Variants in SARNP observed in about 807,000 individuals in gnomAD.
SARNP encodes the protein SAP domain-containing ribonucleoprotein.
In SARNP, 5 loss-of-function variants were observed where a neutral mutation model predicts 38.1. The observed-to-expected ratio is 0.13, with a 90% CI of 0.07 to 0.28. SARNP has a LOEUF of 0.28. Among genes scored for constraint, SARNP ranks in the 10% least tolerant of loss-of-function variants. The pLI is 1.00. For synonymous variants in SARNP, 84 were observed against 80.6 expected, an observed-to-expected ratio of 1.04 and a Z score of -0.23; for missense variants, 180 against 243.9, an observed-to-expected ratio of 0.74 and a Z score of 1.75.
chr12:55,757,565 A>C lies in SARNP; in HGVS notation c.592-12T>G, dbSNP rs550109576. 1.6e-4 allele frequency: 252 copies of C among 1,600,864 alleles called. No individual in the cohort carries two copies. The highest frequency in any genetic ancestry group is 3.0e-4 in the African/African-American group (22 of 74,246). ...TTCCTCTTCTTTGCCTGTAAAGAAG[A>C]AGCAAGAAGAAAAAAATTAGACTGA... On this transcript the variant is annotated splice_polypyrimidine_tract_variant and intron_variant, in intron 10 of 10. Transcript: ENST00000336133.
intron 9 of SARNP, among the ~76,000 whole-genome samples, chr12:55,764,552 T>G (rs1272624945): frequency 8.0e-6 from 1 of 124,794 alleles, no homozygotes; most frequent in Non-Finnish European, 1.7e-5. Context: ...AAAAAAAGAA[T>G]AAGGCTGGGC....
intron 9 of SARNP, among the ~76,000 whole-genome samples, chr12:55,772,827 G>A (rs1180682964): frequency 6.7e-6 from 1 of 149,706 alleles, no homozygotes; most frequent in Non-Finnish European, 1.5e-5. Flanking sequence ...TGATTCTCCT[G>A]CCTCAGCCTC....
chr12:55,765,774 T>C (rs923225670), intron 9 of SARNP, among the ~76,000 whole-genome samples: 4 of 151,982 alleles, frequency 2.6e-5, no homozygotes, highest in Middle Eastern at 6.8e-3. Context: ...CCTCCACAAA[T>C]AGCCTGCTCT....
chr12:55,774,596 A>G (rs1237203052), intron 9 of SARNP, among the ~76,000 whole-genome samples: 1 of 149,750 alleles, frequency 6.7e-6, no homozygotes, highest in African/African-American at 2.5e-5. Context: ...AAAAAAACAA[A>G]AATTAGCCAG....
intron 9 of SARNP, among the ~76,000 whole-genome samples, chr12:55,767,985 C>T (rs1878893732): frequency 6.6e-6 from 1 of 151,956 alleles, no homozygotes; most frequent in African/African-American, 2.4e-5. Context: ...TTCCCTTTAG[C>T]TTCAAGGAAA....
intron 9 of SARNP, among the ~76,000 whole-genome samples, chr12:55,771,548 G>A (rs1409524277): frequency 6.6e-6 from 1 of 152,160 alleles, no homozygotes; most frequent in Non-Finnish European, 1.5e-5. Flanking sequence ...AAAGAGTCCA[G>A]TCAGAAAAAT....
chr12:55,794,956 TTAA>T, intron 5 of SARNP, 76 bp from the exon 6 acceptor site: 9 of 344,654 alleles, frequency 2.6e-5, no homozygotes, highest in South Asian at 1.3e-4. Context: ...GTAGGTATCT[TTAA>T]AAAAAAAAAA....
At chr12:55,777,122 T>C (rs1002392741) in intron 9 of SARNP, among the ~76,000 whole-genome samples, 1 of 152,164 alleles carries the variant, frequency 6.6e-6, no homozygotes, top group Non-Finnish European at 1.5e-5. Context: ...AGTTTTTTCT[T>C]ACTACAAATT....
chr12:55,774,740 T>C (rs1421136483), intron 9 of SARNP, among the ~76,000 whole-genome samples: 1 of 151,560 alleles, frequency 6.6e-6, no homozygotes, highest in Non-Finnish European at 1.5e-5. Flanking sequence ...TCAAAATAAA[T>C]AAATAAAATA....
At chr12:55,772,712 CTTTTTT>C (rs11428581) in intron 9 of SARNP, among the ~76,000 whole-genome samples, 2 of 130,302 alleles carry the variant, frequency 1.5e-5, no homozygotes, top group Admixed American at 8.0e-5. Context: ...GAAGCTGAAA[CTTTTTT>C]TTTTTTTTTT....
At chr12:55,789,682 G>A (rs1229737387) in intron 8 of SARNP, among the ~76,000 whole-genome samples, 9 of 152,046 alleles carry the variant, frequency 5.9e-5, no homozygotes, top group African/African-American at 9.7e-5. Context: ...GGTGGCTCAC[G>A]CCTGTAATCC....
chr12:55,770,153 G>T (rs1878962170), intron 9 of SARNP, among the ~76,000 whole-genome samples: 1 of 151,978 alleles, frequency 6.6e-6, no homozygotes, highest in Non-Finnish European at 1.5e-5. Context: ...TAAACATAAT[G>T]GAATTTATTT....
intron 9 of SARNP, among the ~76,000 whole-genome samples, chr12:55,786,526 C>T (rs1348366657): frequency 6.6e-6 from 1 of 152,050 alleles, no homozygotes; most frequent in African/African-American, 2.4e-5. Flanking sequence ...CTCGGCTCAC[C>T]GCAGCCTCCG....
chr12:55,756,679 G>GTT (rs1224546536), downstream of SARNP: 1 of 152,192 alleles, frequency 6.6e-6, no homozygotes, highest in African/African-American at 2.4e-5. Flanking sequence ...TGAACTTGAA[G>GTT]CCTCCAGTTC....
chr12:55,770,399 T>G (rs1050202447), intron 9 of SARNP, among the ~76,000 whole-genome samples: 11 of 150,676 alleles, frequency 7.3e-5, no homozygotes, highest in African/African-American at 2.2e-4. Flanking sequence ...GCTAGGTTTT[T>G]TTTTTTTTTT....
At chr12:55,765,587 C>A (rs1401836249) in intron 9 of SARNP, among the ~76,000 whole-genome samples, 1 of 151,686 alleles carries the variant, frequency 6.6e-6, no homozygotes, top group African/African-American at 2.4e-5. Flanking sequence ...TCAAGCAATC[C>A]TTTCACCTCG....
At chr12:55,778,567 T>C (rs766449536) in intron 9 of SARNP, among the ~76,000 whole-genome samples, 1 of 152,146 alleles carries the variant, frequency 6.6e-6, no homozygotes, top group Non-Finnish European at 1.5e-5. Context: ...AGAAAACAGA[T>C]ATAGGATTAC....
At chr12:55,770,399 T>A (rs1050202447) in intron 9 of SARNP, among the ~76,000 whole-genome samples, 1 of 150,560 alleles carries the variant, frequency 6.6e-6, no homozygotes, top group Non-Finnish European at 1.5e-5. Context: ...GCTAGGTTTT[T>A]TTTTTTTTTT....
intron 9 of SARNP, chr12:55,760,887 C>T (rs964449568): frequency 2.5e-6 from 1 of 403,750 alleles, no homozygotes; most frequent in Admixed American, 4.0e-5. Flanking sequence ...GGTAAAGAAA[C>T]AGTAAGAGGC....
Sources: allele counts gnomAD v4.1 joint callset (sites outside exome capture counted in the v4.1 genomes callset), GRCh38; gene constraint gnomAD v4.1.1; transcripts MANE v1.5; gene names NCBI Gene and HGNC (gene_info 2026-07-23, HGNC 2026-07-21).